Variants in OTOG observed in about 807,000 individuals in gnomAD.
OTOG encodes the protein otogelin.
Under a neutral mutation model 313.8 loss-of-function variants are expected in OTOG, and 296 were observed. The ratio of observed to expected loss-of-function variants is 0.94; its 90% confidence interval spans 0.86 to 1.04. OTOG has a LOEUF of 1.04. Among genes scored for constraint, OTOG ranks in the 50% least tolerant of loss-of-function variants. OTOG has a pLI of 0.00. For synonymous variants in OTOG, 1,533 were observed against 1,554.9 expected (o/e 0.99, Z 0.33); for missense variants, 3,948 against 3,840.1 (o/e 1.03, Z -0.74).
At chr11:17,570,180 C>T in intron 16 of OTOG, 33 bp from the exon 17 acceptor site, 3 of 1,540,438 alleles carry the variant, frequency 1.9e-6, no homozygotes, top group East Asian at 4.9e-5. Context: ...ACTGGCTGCC[C>T]TCCCACTCTC....
chr11:17,610,122 C>T lies in OTOG; in HGVS notation c.4822C>T (p.Pro1608Ser). ...SPNITVSSRS[P>S]PAPRFPLMTK... is the part of the protein sequence containing the mutation. ...TAACATCACAGTCTCCTCCCGGTCGCCCCCTGCCCCTCGCTTCCCGCTCAT... is the reference window on the plus strand; with the variant it reads ...TAACATCACAGTCTCCTCCCGGTCGTCCCCTGCCCCTCGCTTCCCGCTCAT... The change falls in exon 36 of 56, where the codon CCC (proline) becomes TCC (serine). Residue 1608 changes from proline (P) to serine (S), a missense_variant. Physicochemically the swap from Pro to Ser is moderately conservative, Grantham distance 74. Coordinates refer to ENST00000399397, the MANE Select transcript of OTOG (RefSeq NM_001292063.2). 2 of 1,550,606 alleles carry T rather than the reference C, an allele frequency of 1.3e-6. No individual in the cohort carries two copies. Among genetic ancestry groups the T allele is most frequent in the African/African-American group, 1.4e-5 (1 of 73,142 alleles).
In OTOG at chr11:17,558,558, G is replaced by A. The variant is rs1255911132; in HGVS notation, c.1017G>A (p.Glu339=). The change falls in exon 10 of 56, where the codon GAG becomes GAA. Residue 339 remains glutamate, a synonymous_variant. Coordinates refer to ENST00000399397, the MANE Select transcript of OTOG (RefSeq NM_001292063.2). The part of the protein sequence containing the change: ...GTMQGVYEQC[E]ALLRPPFDAC... Reference sequence around the variant, plus strand: ...TCTAGGGCGTGTACGAGCAGTGTGAGGCTCTACTGCGGCCCCCCTTTGACG... The same window carrying A: ...TCTAGGGCGTGTACGAGCAGTGTGAAGCTCTACTGCGGCCCCCCTTTGACG... 1 of 1,550,534 alleles carries A rather than the reference G, an allele frequency of 6.4e-7. No homozygotes were observed. Among genetic ancestry groups the A allele is most frequent in the Admixed American group, 2.0e-5 (1 of 51,014 alleles).
chr11:17,639,290 C>T, intron 48 of OTOG, 133 bp from the exon 49 acceptor site: 1 of 915,516 alleles, frequency 1.1e-6, no homozygotes, highest in Non-Finnish European at 1.7e-6. Context: ...CTCTTCCTCT[C>T]CTCTCCCAGG....
intron 23 of OTOG, among the ~76,000 whole-genome samples, chr11:17,580,430 G>C (rs745908432): frequency 2.0e-5 from 3 of 152,232 alleles, no homozygotes; most frequent in Non-Finnish European, 2.9e-5. Context: ...TAACCTCCCT[G>C]AGGGGTCCCT....
At chr11:17,608,477 C>T in intron 34 of OTOG, 64 bp downstream of exon 34, 1 of 1,122,248 alleles carries the variant, frequency 8.9e-7, no homozygotes, top group Non-Finnish European at 1.2e-6. Context: ...TGTGCACTCA[C>T]ATACACTTGT....
Position 17,576,573 on chromosome 11 carries a change from A to C in OTOG, c.2504A>C (p.His835Pro). ...TTTTATAGGAACCAGTGCTCCTGCC[A>C]CTTCCAGGGAGTGGACTATCCCCCC... The part of the protein sequence containing the change: ...LCVPRNQCSC[H>P]FQGVDYPPGD... Residue 835 changes from histidine to proline, a missense_variant, in exon 21 of 56, where the codon CAC (histidine) becomes CCC (proline). Coordinates refer to ENST00000399397, the MANE Select transcript of OTOG (RefSeq NM_001292063.2). 6.4e-7 allele frequency: 1 copy of C among 1,550,430 alleles called. No individual in the cohort carries two copies. Among genetic ancestry groups the C allele is most frequent in the South Asian group, 1.2e-5 (1 of 84,052 alleles).
At chr11:17,547,537 G>T in intron 1 of OTOG, 71 bp downstream of exon 1, 1 of 1,279,102 alleles carries the variant, frequency 7.8e-7, no homozygotes, top group Non-Finnish European at 9.9e-7. Flanking sequence ...TGAGGAATGG[G>T]CCCGCGCAGG....
intron 36 of OTOG, 105 bp from the exon 37 acceptor site, chr11:17,612,057 G>A: frequency 2.2e-6 from 3 of 1,360,380 alleles, no homozygotes; most frequent in Non-Finnish European, 2.0e-6. Context: ...AAGGTCCCCT[G>A]CCCCGCTAGG....
intron 39 of OTOG, among the ~76,000 whole-genome samples, chr11:17,617,648 A>G (rs1255108197): frequency 1.3e-5 from 2 of 152,148 alleles, no homozygotes; most frequent in Non-Finnish European, 2.9e-5. Flanking sequence ...ATCTGAATCT[A>G]TGTGCCATAT....
chr11:17,629,017 T>C, intron 39 of OTOG, 116 bp from the exon 40 acceptor site: 3 of 1,073,310 alleles, frequency 2.8e-6, no homozygotes, highest in Non-Finnish European at 4.0e-6. Flanking sequence ...CTAATAAATG[T>C]TTGTCAGATG....
Position 17,634,960 on chromosome 11 carries a change from G to C in OTOG, c.7585+12G>C, listed in dbSNP as rs538124093. ...CAGCTACAGCTGTGGTGAGAGGCCCGGGGTGGGGAGGGTGGGGGACGGACT... is the reference window on the plus strand; with the variant it reads ...CAGCTACAGCTGTGGTGAGAGGCCCCGGGTGGGGAGGGTGGGGGACGGACT... On this transcript the variant is annotated intron_variant, in intron 45 of 55. Transcript: ENST00000399397. 2 of 1,517,546 alleles carry C rather than the reference G, an allele frequency of 1.3e-6. No homozygotes were observed. The highest frequency in any genetic ancestry group is 1.8e-6 in the Non-Finnish European group (2 of 1,119,312). The allele number at this position is 1,517,546 out of a possible 1,614,324, so 94.0% of individuals were successfully genotyped here.
intron 3 of OTOG, among the ~76,000 whole-genome samples, chr11:17,551,792 C>G (rs982724193): frequency 2.0e-5 from 3 of 152,130 alleles, no homozygotes; most frequent in South Asian, 2.1e-4. Context: ...GAGAGCTAAG[C>G]CTTTGTTCCT....
At position 17,559,452 on chromosome 11, in the gene OTOG, C is replaced by T. The variant is rs10832799; in HGVS notation, c.1214-82C>T. The T allele has an allele frequency of 0.33, 497,627 of 1,521,044 alleles. 84,253 individuals are homozygous for T. Among genetic ancestry groups the T allele is most frequent in the African/African-American group, 0.5 (36,225 of 72,372 alleles). 94.2% of individuals were successfully genotyped at this position (1,521,044 alleles called of 1,614,324 possible). A position where few individuals can be genotyped will look rare whatever the true frequency, so the allele number is the denominator to read the frequency against. On this transcript the variant is annotated intron_variant, in intron 11 of 55. Transcript: ENST00000399397. ...AAATCAAAGCCCTCCCTCCCATCCT[C>T]ACTCCACGGCCTGGGGTAGGAGCTG...
Position 17,631,974 on chromosome 11 carries a change from A to G in OTOG, c.6933+52A>G, listed in dbSNP as rs554159908. On this transcript the variant is annotated intron_variant, in intron 41 of 55. Coordinates refer to ENST00000399397, the MANE Select transcript of OTOG (RefSeq NM_001292063.2). ...GGGACACCTCCTGGGCTGGCTGGGGATGGCAGCACCTACCTGCAGAGGCTC... is the reference window on the plus strand; with the variant it reads ...GGGACACCTCCTGGGCTGGCTGGGGGTGGCAGCACCTACCTGCAGAGGCTC... 105 of 1,543,012 alleles carry G rather than the reference A, an allele frequency of 6.8e-5. No individual in the cohort carries two copies. In the African/African-American group the frequency reaches 1.3e-3, roughly 20 times the overall value.
At chr11:17,602,854 C>G (rs1394103694) in intron 32 of OTOG, among the ~76,000 whole-genome samples, 4 of 152,206 alleles carry the variant, frequency 2.6e-5, no homozygotes, top group Non-Finnish European at 5.9e-5. Context: ...AGGTCCCTGC[C>G]CATCAGAAGC....
At chr11:17,639,293 C>A in intron 48 of OTOG, 130 bp from the exon 49 acceptor site, 2 of 949,916 alleles carry the variant, frequency 2.1e-6, no homozygotes, top group Non-Finnish European at 3.3e-6. Flanking sequence ...TTCCTCTCCT[C>A]TCCCAGGCCT....
chr11:17,573,421 TCTC>T (rs1852450093), intron 19 of OTOG, 131 bp downstream of exon 19: 1 of 975,618 alleles, frequency 1.0e-6, no homozygotes. Flanking sequence ...AGAGCCTGCT[TCTC>T]CTCCTGCACC....
chr11:17,590,630 A>G (rs1272110631), intron 24 of OTOG, among the ~76,000 whole-genome samples: 1 of 152,112 alleles, frequency 6.6e-6, no homozygotes, highest in Admixed American at 6.5e-5. Flanking sequence ...AAGTCTTCCA[A>G]TGCCCACCAC....
chr11:17,558,774 G>A, intron 10 of OTOG, 130 bp downstream of exon 10: 1 of 1,033,000 alleles, frequency 9.7e-7, no homozygotes, highest in Non-Finnish European at 1.4e-6. Context: ...ATTCTTATCT[G>A]CCTAGGTGGG....
Sources: gnomAD v4.1 joint callset for allele counts (sites outside exome capture counted in the v4.1 genomes callset) on GRCh38, gnomAD v4.1.1 for gene constraint, MANE v1.5 for transcripts, NCBI Gene and HGNC (gene_info 2026-07-23, HGNC 2026-07-21) for gene names.